The following FAM227B variants were observed in gnomAD, a reference collection of about 807,000 sequenced individuals.
FAM227B encodes the protein protein FAM227B.
A neutral mutation model predicts 73.8 loss-of-function variants in FAM227B; 88 were observed. The ratio of observed to expected loss-of-function variants is 1.19; its 90% CI spans 1.00 to 1.42. FAM227B has a LOEUF of 1.42. Among genes scored for constraint, FAM227B ranks in the 40% most tolerant of loss-of-function variants. The pLI is 0.00. For synonymous variants in FAM227B, 210 were observed against 190.5 expected (o/e 1.10, Z -0.84); for missense variants, 632 against 590.9 (o/e 1.07, Z -0.72).
At chr15:49,560,020 G>T (rs979332647) in intron 9 of FAM227B, among the ~76,000 whole-genome samples, 4 of 151,988 alleles carry the variant, frequency 2.6e-5, no homozygotes, top group African/African-American at 9.7e-5. Context: ...CCTCCGCAAT[G>T]GTTCCTGACC....
chr15:49,393,306 CCT>C (rs1393243582), intron 11 of FAM227B, among the ~76,000 whole-genome samples: 1 of 152,048 alleles, frequency 6.6e-6, no homozygotes, highest in Non-Finnish European at 1.5e-5. Flanking sequence ...CATATCATTT[CCT>C]CTTTGTTTGG....
At chr15:49,396,010 G>A (rs1469765870) in intron 11 of FAM227B, 7 of 455,610 alleles carry the variant, frequency 1.5e-5, no homozygotes, top group Middle Eastern at 3.2e-4. Context: ...TGGCCAAATA[G>A]GAACAGCTCC....
intron 13 of FAM227B, among the ~76,000 whole-genome samples, chr15:49,363,329 G>C (rs994467844): frequency 6.6e-6 from 1 of 152,086 alleles, no homozygotes; most frequent in Non-Finnish European, 1.5e-5. Context: ...TTGTTGTAGA[G>C]ATCTTTTGCT....
At chr15:49,534,804 G>C (rs1597977295) in intron 10 of FAM227B, among the ~76,000 whole-genome samples, 1 of 151,386 alleles carries the variant, frequency 6.6e-6, no homozygotes, top group Non-Finnish European at 1.5e-5. Context: ...AGGAATGTGG[G>C]AAAATTAAAA....
At chr15:49,594,638 C>T (rs749283842) in intron 3 of FAM227B, among the ~76,000 whole-genome samples, 30 of 152,300 alleles carry the variant, frequency 2.0e-4, no homozygotes, top group Non-Finnish European at 2.8e-4. Context: ...ATCCTTTTAA[C>T]ATGTGGCTTG....
chr15:49,386,427 T>C (rs749470199), intron 11 of FAM227B, among the ~76,000 whole-genome samples: 2 of 151,734 alleles, frequency 1.3e-5, no homozygotes, highest in South Asian at 4.1e-4. Flanking sequence ...GAAATCAAGA[T>C]GGAAATTTAA....
At chr15:49,381,915 G>A (rs1367091769) in intron 11 of FAM227B, among the ~76,000 whole-genome samples, 1 of 151,976 alleles carries the variant, frequency 6.6e-6, no homozygotes, top group East Asian at 1.9e-4. Context: ...AAAATCTCAT[G>A]CCTAATTTTA....
intron 1 of FAM227B, among the ~76,000 whole-genome samples, chr15:49,619,967 T>A (rs2078572598): frequency 6.6e-6 from 1 of 152,196 alleles, no homozygotes; most frequent in Non-Finnish European, 1.5e-5. Flanking sequence ...AACACTAAAT[T>A]TACTTACATG....
At position 49,331,815 on chromosome 15, in the gene FAM227B, C is replaced by T. The variant is rs1278715716; in HGVS notation, c.1384G>A (p.Val462Met). ...QAKATKKPHEVKQDFEKFLHK... is the reference protein window; with the variant it reads ...QAKATKKPHEMKQDFEKFLHK... ...AGGAACTTCTCAAAGTCCTGTTTCA[C>T]TTCATGAGGTTTCTTGGTAGCCTTT... The change falls in exon 15 of 16, where the codon GTG becomes ATG. Residue 462 changes from valine (V) to methionine (M), a missense_variant. Physicochemically the swap from Val to Met is conservative, Grantham distance 21. Transcript: ENST00000299338. 1 of 1,611,832 alleles carries T rather than the reference C, an allele frequency of 6.2e-7. No individual in the cohort carries two copies. Among genetic ancestry groups the T allele is most frequent in the Admixed American group, 1.7e-5 (1 of 59,990 alleles).
rs143422327 is a variant in FAM227B at position 49,571,724 on chromosome 15, T to C, written c.645+3287A>G. Among the ~76,000 whole-genome samples the C allele has an allele frequency of 2.0e-4, 31 of 152,102 alleles. No individual in the cohort carries two copies. The East Asian group carries it at 6.0e-3, about 29-fold the overall frequency. ...GTATATGTGTCTGTTTTTATGCCAA[T>C]ACTCTGCTTTTTTTGGTTACTACAG... On this transcript the variant is annotated intron_variant, in intron 8 of 15. Coordinates refer to ENST00000299338, the MANE Select transcript of FAM227B (RefSeq NM_152647.3).
intron 3 of FAM227B, among the ~76,000 whole-genome samples, chr15:49,596,309 G>A (rs2153285273): frequency 6.6e-6 from 1 of 151,952 alleles, no homozygotes; most frequent in East Asian, 1.9e-4. Flanking sequence ...CCTACCTTTA[G>A]CCTCCTTAAA....
intron 13 of FAM227B, among the ~76,000 whole-genome samples, chr15:49,336,952 T>G (rs1369479403): frequency 2.0e-5 from 3 of 152,178 alleles, no homozygotes; most frequent in African/African-American, 7.2e-5. Context: ...TTAGAACATG[T>G]GGTATTTGGT....
chr15:49,343,535 C>G (rs1036984238), intron 13 of FAM227B: 1 of 152,118 alleles, frequency 6.6e-6, no homozygotes, highest in Non-Finnish European at 1.5e-5. Flanking sequence ...TAGCTCTACC[C>G]AATACGATTT....
intron 11 of FAM227B, among the ~76,000 whole-genome samples, chr15:49,455,975 C>T (rs572197181): frequency 3.3e-5 from 5 of 152,074 alleles, no homozygotes; most frequent in Non-Finnish European, 5.9e-5. Flanking sequence ...CAGAAACACT[C>T]TAGAAGAGCT....
intron 8 of FAM227B, among the ~76,000 whole-genome samples, chr15:49,568,611 T>A (rs1262578988): frequency 3.3e-5 from 5 of 152,038 alleles, no homozygotes; most frequent in Non-Finnish European, 7.4e-5. Flanking sequence ...GCAGTAAAAT[T>A]AAATAAGGAC....
At chr15:49,464,140 G>A (rs2054058721) in intron 11 of FAM227B, among the ~76,000 whole-genome samples, 1 of 152,108 alleles carries the variant, frequency 6.6e-6, no homozygotes, top group Admixed American at 6.5e-5. Context: ...GGTTAGGCAG[G>A]GGATGGATTT....
chr15:49,577,935 A>ATG, intron 5 of FAM227B, among the ~76,000 whole-genome samples: 1 of 152,216 alleles, frequency 6.6e-6, no homozygotes, highest in South Asian at 2.1e-4. Flanking sequence ...TACTTATTAC[A>ATG]GTTTGGTTCC....
intron 13 of FAM227B, among the ~76,000 whole-genome samples, chr15:49,341,512 T>C (rs1447154648): frequency 6.6e-6 from 1 of 152,120 alleles, no homozygotes; most frequent in Non-Finnish European, 1.5e-5. Flanking sequence ...TGTGCCACCA[T>C]GCCTAATTTT....
chr15:49,421,439 T>A (rs1313053046), intron 11 of FAM227B, among the ~76,000 whole-genome samples: 1 of 152,242 alleles, frequency 6.6e-6, no homozygotes, highest in African/African-American at 2.4e-5. Context: ...CAGAGTGTAA[T>A]AGCATCTAAT....
Sources: gnomAD v4.1 joint callset for allele counts (sites outside exome capture counted in the v4.1 genomes callset) on GRCh38, gnomAD v4.1.1 for gene constraint, MANE v1.5 for transcripts, NCBI Gene and HGNC (gene_info 2026-07-23, HGNC 2026-07-21) for gene names.